CCDC195: variants seen among roughly 807,000 people sequenced by gnomAD.
CCDC195 encodes coiled-coil domain-containing protein 195.
Position 224,714,442 on chromosome 2 carries a change from A to G in CCDC195, c.235+1689T>C, listed in dbSNP as rs778285961. 3.3e-5 allele frequency among the ~76,000 whole-genome samples: 5 copies of G among 152,222 alleles called. No homozygotes were observed. The East Asian group carries it at 5.8e-4, about 18-fold the overall frequency. ...TTTTGGAGCAAGGCGGTGGTTTTCAATGGTGGATGGGGTGCGATTTTGTTC... is the reference window on the plus strand; with the variant it reads ...TTTTGGAGCAAGGCGGTGGTTTTCAGTGGTGGATGGGGTGCGATTTTGTTC... On this transcript the variant is annotated intron_variant, in intron 1 of 2. Coordinates refer to ENST00000638102, the Ensembl canonical transcript of CCDC195.
exon 1 of CCDC195, chr2:224,716,314 T>A: frequency 2.5e-6 from 1 of 398,692 alleles, no homozygotes; most frequent in Non-Finnish European, 4.4e-6. Flanking sequence ...AGTTTGTGGA[T>A]CTCTGCCCGC....
intron 2 of CCDC195, among the ~76,000 whole-genome samples, chr2:224,706,515 T>G (rs1474719754): frequency 2.1e-5 from 3 of 144,264 alleles, no homozygotes; most frequent in Non-Finnish European, 4.6e-5. Flanking sequence ...GTAACTTTTT[T>G]TTTTTTTTTT....
chr2:224,708,677 T>C (rs1689260279), intron 2 of CCDC195, among the ~76,000 whole-genome samples: 1 of 152,260 alleles, frequency 6.6e-6, no homozygotes, highest in East Asian at 1.9e-4. Context: ...TGAGAATTCC[T>C]ACAGGCCTCT....
chr2:224,703,952 G>A (rs1037458332), intron 2 of CCDC195, 65 bp from the exon 3 acceptor site: 1 of 397,682 alleles, frequency 2.5e-6, no homozygotes, highest in Non-Finnish European at 4.4e-6. Context: ...GAACATTGAT[G>A]ATTTTTCCCC....
intron 2 of CCDC195, among the ~76,000 whole-genome samples, chr2:224,708,566 G>A (rs952339281): frequency 3.3e-5 from 5 of 152,144 alleles, no homozygotes; most frequent in Non-Finnish European, 5.9e-5. Context: ...CTTCTGCAAG[G>A]GAAACACAAT....
At chr2:224,712,962 G>A (rs941613496) in intron 1 of CCDC195, among the ~76,000 whole-genome samples, 3 of 151,796 alleles carry the variant, frequency 2.0e-5, no homozygotes, top group East Asian at 1.9e-4. Flanking sequence ...TCCGCCTCCC[G>A]GGTTCAAGCG....
At chr2:224,706,137 G>A (rs987112748) in intron 2 of CCDC195, among the ~76,000 whole-genome samples, 1 of 136,752 alleles carries the variant, frequency 7.3e-6, no homozygotes, top group Non-Finnish European at 1.6e-5. Context: ...GGATTATGAA[G>A]AGTTTTGTTT....
intron 2 of CCDC195, among the ~76,000 whole-genome samples, chr2:224,704,593 T>TC: frequency 6.8e-6 from 1 of 146,962 alleles, no homozygotes; most frequent in Non-Finnish European, 1.5e-5. Context: ...CTGCACCTTT[T>TC]TTTTTTCTTT....
At chr2:224,707,352 T>C (rs1296192555) in intron 2 of CCDC195, among the ~76,000 whole-genome samples, 1 of 152,238 alleles carries the variant, frequency 6.6e-6, no homozygotes, top group African/African-American at 2.4e-5. Context: ...ACCAGCTTGC[T>C]CACTTGTCAC....
chr2:224,710,135 CTT>C lies in CCDC195; in HGVS notation c.318_319del (p.His108ProfsTer21), dbSNP rs1291953005. 1 of 398,604 alleles carries C rather than the reference CTT, an allele frequency of 2.5e-6. No individual in the cohort carries two copies. The highest frequency in any genetic ancestry group is 3.6e-5 in the East Asian group (1 of 28,076). The allele number at this position is 398,604 out of a possible 1,614,324, so 24.7% of individuals were successfully genotyped here. A position where few individuals can be genotyped will look rare whatever the true frequency, so the allele number is the denominator to read the frequency against. On this transcript the variant is annotated frameshift_variant, in exon 2 of 3. Coordinates refer to ENST00000638102, the Ensembl canonical transcript of CCDC195. LOFTEE classifies it high-confidence loss of function. ...TTCTAGAATTCCGCTCTTTGGGTGA[CTT>C]TTCCCAGATTTCCAGGGATCATTTA...
intron 1 of CCDC195, among the ~76,000 whole-genome samples, chr2:224,711,558 C>T (rs1251735067): frequency 6.6e-6 from 1 of 152,000 alleles, no homozygotes; most frequent in Non-Finnish European, 1.5e-5. Flanking sequence ...TGGCTTACAA[C>T]ACTGATCTCA....
chr2:224,708,567 G>A (rs1005658950), intron 2 of CCDC195, among the ~76,000 whole-genome samples: 2 of 152,108 alleles, frequency 1.3e-5, no homozygotes, highest in African/African-American at 4.8e-5. Flanking sequence ...TTCTGCAAGG[G>A]AAACACAATT....
intron 2 of CCDC195, among the ~76,000 whole-genome samples, chr2:224,709,764 G>T (rs1324459755): frequency 6.6e-6 from 1 of 152,200 alleles, no homozygotes; most frequent in African/African-American, 2.4e-5. Flanking sequence ...TTGTCCAGTT[G>T]TTAGAGGCAT....
intron 2 of CCDC195, among the ~76,000 whole-genome samples, chr2:224,704,600 C>A (rs201944234): frequency 1.0e-3 from 73 of 69,548 alleles, no homozygotes; most frequent in African/African-American, 4.0e-3. Context: ...TTTTTTTTTT[C>A]TTTTCTTTTC....
At chr2:224,709,600 G>A (rs1377740101) in intron 2 of CCDC195, among the ~76,000 whole-genome samples, 1 of 152,228 alleles carries the variant, frequency 6.6e-6, no homozygotes, top group African/African-American at 2.4e-5. Context: ...CCTACTCCCT[G>A]AGATGCACTT....
chr2:224,713,281 AAAT>A (rs776490388), intron 1 of CCDC195, among the ~76,000 whole-genome samples: 8 of 152,218 alleles, frequency 5.3e-5, no homozygotes, highest in Non-Finnish European at 1.2e-4. Context: ...TGCTCAAGTC[AAAT>A]AATAATATTT....
intron 2 of CCDC195, among the ~76,000 whole-genome samples, chr2:224,708,314 C>T (rs573912634): frequency 3.0e-4 from 46 of 152,266 alleles, no homozygotes; most frequent in African/African-American, 1.1e-3. Context: ...TTTATTCTGG[C>T]TTTCCAATAA....
At chr2:224,714,672 A>C (rs1689360270) in intron 1 of CCDC195, among the ~76,000 whole-genome samples, 1 of 152,152 alleles carries the variant, frequency 6.6e-6, no homozygotes, top group Admixed American at 6.5e-5. Flanking sequence ...CAAATATTAT[A>C]AATGTCCACA....
At chr2:224,704,610 C>CTTTTTTTTTTTTTTTTTTTTTTTT (rs55801561) in intron 2 of CCDC195, among the ~76,000 whole-genome samples, 13 of 110,644 alleles carry the variant, frequency 1.2e-4, no homozygotes, top group Non-Finnish European at 1.4e-4. Context: ...CTTTTCTTTT[C>CTTTTTTTTTTTTTTTTTTTTTTTT]TTTTTTTTTT....
Sources: gnomAD v4.1 joint callset for allele counts (sites outside exome capture counted in the v4.1 genomes callset) on GRCh38, gnomAD v4.1.1 for gene constraint, MANE v1.5 for transcripts, NCBI Gene and HGNC (gene_info 2026-07-23, HGNC 2026-07-21) for gene names.